GALNT1: variants seen among roughly 807,000 people sequenced by gnomAD.
GALNT1 encodes the protein polypeptide N-acetylgalactosaminyltransferase 1.
GALNT1 carries 17 observed loss-of-function variants against 65.7 expected under a neutral mutation model. The observed-to-expected ratio is 0.26, with a 90% CI of 0.18 to 0.39. The LOEUF (loss-of-function observed/expected upper bound fraction) is 0.39. GALNT1 is among the 10% of genes least tolerant of loss of function. GALNT1 has a pLI of 1.00. For missense variants in GALNT1, 460 were observed against 672.8 expected (o/e 0.68, Z 3.50); for synonymous variants, 210 against 219.7 (o/e 0.96, Z 0.39).
At chr18:35,695,176 C>T (rs1376044821) in intron 9 of GALNT1, among the ~76,000 whole-genome samples, 5 of 150,834 alleles carry the variant, frequency 3.3e-5, no homozygotes, top group African/African-American at 7.3e-5. Flanking sequence ...TGTGTTTCTG[C>T]ACCAGAATAA....
At chr18:35,636,633 G>C (rs778853077) in intron 1 of GALNT1, among the ~76,000 whole-genome samples, 1 of 152,090 alleles carries the variant, frequency 6.6e-6, no homozygotes, top group Non-Finnish European at 1.5e-5. Flanking sequence ...TTACATTCAT[G>C]CTTGTACCAC....
Position 35,643,300 on chromosome 18 carries a change from G to C in GALNT1, c.-103-11260G>C, listed in dbSNP as rs1000780212. On this transcript the variant is annotated intron_variant, in intron 1 of 11. Coordinates refer to ENST00000269195, the MANE Select transcript of GALNT1 (RefSeq NM_020474.4). Reference sequence around the variant, plus strand: ...AGACATGGCCGAGGTGGGAAGAGGGGTTAGAAATGTCTGTTGAGCATATTA... The same window carrying C: ...AGACATGGCCGAGGTGGGAAGAGGGCTTAGAAATGTCTGTTGAGCATATTA... Among the ~76,000 whole-genome samples the C allele has an allele frequency of 2.0e-5, 3 of 152,080 alleles. No individual in the cohort carries two copies. In the South Asian group the frequency reaches 6.2e-4, roughly 31 times the overall value.
chr18:35,667,175 G>A (rs555240576), intron 3 of GALNT1, among the ~76,000 whole-genome samples: 2 of 152,182 alleles, frequency 1.3e-5, no homozygotes, highest in South Asian at 4.1e-4. Flanking sequence ...GTCTGTGTGA[G>A]CAATAGAACA....
At chr18:35,632,453 G>T (rs1371988336) in intron 1 of GALNT1, among the ~76,000 whole-genome samples, 3 of 152,156 alleles carry the variant, frequency 2.0e-5, no homozygotes, top group Non-Finnish European at 4.4e-5. Flanking sequence ...ATGGGGAAAG[G>T]ATTCCCTATT....
At chr18:35,616,722 C>T (rs1455952569) in intron 1 of GALNT1, among the ~76,000 whole-genome samples, 1 of 152,064 alleles carries the variant, frequency 6.6e-6, no homozygotes, top group Non-Finnish European at 1.5e-5. Flanking sequence ...GTCACGTAAT[C>T]TTTCTCTGTG....
rs569109967 is a variant in GALNT1, at chr18:35,581,799, G to GCGCTGCGGCCCGCGGGACCGC, written c.-167_-166insCGCTGCGGCCCGCGGGACCGC. 2.8e-5 allele frequency: 4 copies of GCGCTGCGGCCCGCGGGACCGC among 142,428 alleles called. No homozygotes were observed. Among genetic ancestry groups the GCGCTGCGGCCCGCGGGACCGC allele is most frequent in the African/African-American group, 1.0e-4 (4 of 39,598 alleles). The allele number at this position is 142,428 out of a possible 1,614,324, so 8.8% of individuals were successfully genotyped here. A position where few individuals can be genotyped will look rare whatever the true frequency, so the allele number is the denominator to read the frequency against. On this transcript the variant is annotated 5_prime_UTR_variant, in exon 1 of 12. Transcript: ENST00000269195. Reference sequence around the variant, plus strand: ...AGAGTAGCGCGCTGGCCGCGGGACCGGCCGCGACCGCCGCGGCCGGCCCGG... The same window carrying GCGCTGCGGCCCGCGGGACCGC: ...AGAGTAGCGCGCTGGCCGCGGGACCGCGCTGCGGCCCGCGGGACCGCGCCGCGACCGCCGCGGCCGGCCCGG...
chr18:35,702,905 T>C lies in GALNT1; in HGVS notation c.1308T>C (p.Asn436=). Reference sequence around the variant, plus strand: ...TATTTATTGTCCCATAGATACGAAATGTGGAAACGAATCAGTGTCTAGATA... The same window carrying C: ...TATTTATTGTCCCATAGATACGAAACGTGGAAACGAATCAGTGTCTAGATA... ...RHYFSLGEIR[N]VETNQCLDNM... The change falls in exon 10 of 12, where the codon AAT becomes AAC. Residue 436 remains asparagine (N), a synonymous_variant. Transcript: ENST00000269195. 1 of 1,593,472 alleles carries C rather than the reference T, an allele frequency of 6.3e-7. No individual in the cohort carries two copies. The highest frequency in any genetic ancestry group is 8.5e-7 in the Non-Finnish European group (1 of 1,173,716).
chr18:35,647,310 G>A (rs1273608193), intron 1 of GALNT1, among the ~76,000 whole-genome samples: 4 of 152,076 alleles, frequency 2.6e-5, no homozygotes, highest in South Asian at 4.1e-4. Flanking sequence ...GATTATTAAC[G>A]TCTGCTTCCC....
At chr18:35,707,093 T>C (rs185471842) in intron 11 of GALNT1, among the ~76,000 whole-genome samples, 8 of 152,298 alleles carry the variant, frequency 5.3e-5, no homozygotes, top group Admixed American at 3.9e-4. Context: ...ACGCTATTTT[T>C]GATTAATAGT....
Position 35,683,702 on chromosome 18 carries a change from C to T in GALNT1, c.689+104C>T, listed in dbSNP as rs182327696. 9.6e-5 allele frequency: 87 copies of T among 905,514 alleles called. No homozygotes were observed. In the East Asian group the frequency reaches 2.1e-3, roughly 22 times the overall value. 56.1% of individuals were successfully genotyped at this position (905,514 alleles called of 1,614,324 possible). The stretch of plus-strand genomic sequence containing the variant: ...TTTAAATAAATATAAAAGTAATTTC[C>T]TCCCAAGTTTGCTTTAAAATATCCG... On this transcript the variant is annotated intron_variant, in intron 5 of 11. Transcript: ENST00000269195.
rs573717664 is a variant in GALNT1, at chr18:35,654,520, G to C, written c.-103-40G>C. 394 of 295,588 alleles carry C rather than the reference G, an allele frequency of 1.3e-3. 3 individuals are homozygous for C. The highest frequency in any genetic ancestry group is 1.5e-3 in the Non-Finnish European group (263 of 171,480). 18.3% of individuals were successfully genotyped at this position (295,588 alleles called of 1,614,324 possible). A position where few individuals can be genotyped will look rare whatever the true frequency, so the allele number is the denominator to read the frequency against. On this transcript the variant is annotated intron_variant, in intron 1 of 11. Coordinates refer to ENST00000269195, the MANE Select transcript of GALNT1 (RefSeq NM_020474.4). Reference sequence around the variant, plus strand: ...TTTTATAATTCACTTTTGATGTTCTGAATTTTTAAGTTAATCTTTTTTCCT... The same window carrying C: ...TTTTATAATTCACTTTTGATGTTCTCAATTTTTAAGTTAATCTTTTTTCCT...
chr18:35,589,448 A>G (rs1027999427), intron 1 of GALNT1, among the ~76,000 whole-genome samples: 1 of 151,962 alleles, frequency 6.6e-6, no homozygotes, highest in Admixed American at 6.5e-5. Context: ...TTTTCCTATC[A>G]GTTTTCTGTC....
At chr18:35,656,942 C>G (rs886441110) in intron 2 of GALNT1, among the ~76,000 whole-genome samples, 1 of 151,956 alleles carries the variant, frequency 6.6e-6, no homozygotes, top group African/African-American at 2.4e-5. Context: ...ACCTGGGGGG[C>G]CATCGAATGT....
intron 1 of GALNT1, among the ~76,000 whole-genome samples, chr18:35,612,691 C>CTT (rs1217714344): frequency 6.6e-6 from 1 of 152,144 alleles, no homozygotes; most frequent in African/African-American, 2.4e-5. Context: ...TGATGAAACT[C>CTT]TGTCTTTGCT....
At chr18:35,625,357 G>A (rs1189160180) in intron 1 of GALNT1, among the ~76,000 whole-genome samples, 3 of 152,056 alleles carry the variant, frequency 2.0e-5, no homozygotes, top group Non-Finnish European at 4.4e-5. Flanking sequence ...AGCATGGTCA[G>A]AAAAGTAGGA....
intron 2 of GALNT1, among the ~76,000 whole-genome samples, chr18:35,662,294 C>T (rs1197089075): frequency 6.6e-6 from 1 of 152,184 alleles, no homozygotes; most frequent in Non-Finnish European, 1.5e-5. Flanking sequence ...AACTATGTTA[C>T]TTGAGTTTCC....
chr18:35,680,428 C>G (rs2047769651), intron 4 of GALNT1, among the ~76,000 whole-genome samples: 1 of 152,214 alleles, frequency 6.6e-6, no homozygotes, highest in South Asian at 2.1e-4. Flanking sequence ...TTAATAGATA[C>G]CTTCCCCCAG....
At chr18:35,597,343 A>G (rs1032660042) in intron 1 of GALNT1, 1 of 152,202 alleles carries the variant, frequency 6.6e-6, no homozygotes, top group African/African-American at 2.4e-5. Flanking sequence ...GGATTATACA[A>G]GGGCAGGTAA....
At chr18:35,642,258 T>C (rs2047173552) in intron 1 of GALNT1, among the ~76,000 whole-genome samples, 1 of 152,240 alleles carries the variant, frequency 6.6e-6, no homozygotes, top group Admixed American at 6.5e-5. Context: ...ATAGGTTTGC[T>C]AAGCCAGCGG....
Sources: gnomAD v4.1 joint callset for allele counts (sites outside exome capture counted in the v4.1 genomes callset) on GRCh38, gnomAD v4.1.1 for gene constraint, MANE v1.5 for transcripts, NCBI Gene and HGNC (gene_info 2026-07-23, HGNC 2026-07-21) for gene names.